Variants in MYORG observed in about 807,000 individuals in gnomAD.
MYORG encodes the protein alpha-galactosidase MYORG.
Under a neutral mutation model 49.8 loss-of-function variants are expected in MYORG, and 45 were observed. The observed-to-expected ratio is 0.90, with a 90% confidence interval of 0.71 to 1.16. The LOEUF (loss-of-function observed/expected upper bound fraction) is 1.16. Ranked by LOEUF, MYORG falls within the 50% of genes most tolerant of loss-of-function variation. The probability of loss-of-function intolerance (pLI) is 0.00; values close to 1 mark genes in which losing one functional copy is unlikely to be tolerated. For synonymous variants in MYORG, 552 were observed against 462.9 expected, an observed-to-expected ratio of 1.19 and a Z score of -2.47; for missense variants, 1,110 against 1,026.5, an observed-to-expected ratio of 1.08 and a Z score of -1.11.
At chr9:34,374,155 T>C (rs145299712) in intron 1 of MYORG, among the ~76,000 whole-genome samples, 8 of 152,306 alleles carry the variant, frequency 5.3e-5, no homozygotes, top group Non-Finnish European at 7.3e-5. Context: ...GTTTCTGTCA[T>C]AGTTTGGGCA....
rs1178877575 is a variant in MYORG at position 34,372,908 on chromosome 9, G to A, written c.36C>T (p.Tyr12=). ...AGCAGCCAGGCCGGCGGCGGCGGGG[G>A]TAGGCCTGGCTCTTCTCCTGAGGGT... is the stretch of plus-strand genomic sequence containing the variant. ...LQNPQEKSQA[Y]PRRRRPGCYA... The change falls in exon 2 of 2, where the codon TAC becomes TAT. Residue 12 remains tyrosine, a synonymous_variant. Coordinates refer to ENST00000297625, the MANE Select transcript of MYORG (RefSeq NM_020702.5). 2.5e-6 allele frequency: 4 copies of A among 1,613,900 alleles called. No individual in the cohort carries two copies. The highest frequency in any genetic ancestry group is 1.6e-4 in the Middle Eastern group (1 of 6,062).
Position 34,371,068 on chromosome 9 carries a change from C to T in MYORG, c.1876G>A (p.Val626Ile), listed in dbSNP as rs1563981213. The T allele has an allele frequency of 6.2e-7, 1 of 1,610,044 alleles. No individual in the cohort carries two copies. The highest frequency in any genetic ancestry group is 8.5e-7 in the Non-Finnish European group (1 of 1,178,368). Residue 626 changes from valine to isoleucine, a missense_variant, in exon 2 of 2, where the codon GTC becomes ATC. Transcript: ENST00000297625. ...ACGATAGGGTCACCCGTGTCGGTGA[C>T]CTCGCCCGCCAGCTCAAGCAACAGC... ...APLLLELAGEVTDTGDPIVRP... is the reference protein window; with the variant it reads ...APLLLELAGEITDTGDPIVRP...
At chr9:34,373,130 A>AGT (rs1488097625) in intron 1 of MYORG, 124 bp from the exon 2 acceptor site, 5 of 700,968 alleles carry the variant, frequency 7.1e-6, no homozygotes, top group Admixed American at 2.9e-5. Flanking sequence ...GGGCTTGAAG[A>AGT]GTGGCAAAGG....
intron 1 of MYORG, among the ~76,000 whole-genome samples, chr9:34,374,212 C>T (rs982439079): frequency 2.6e-5 from 4 of 152,230 alleles, no homozygotes; most frequent in African/African-American, 7.2e-5. Flanking sequence ...CAACAGGCCT[C>T]TCTGACTCTA....
Position 34,371,209 on chromosome 9 carries a change from C to G in MYORG, c.1735G>C (p.Glu579Gln). The G allele has an allele frequency of 6.2e-7, 1 of 1,610,356 alleles. No homozygotes were observed. Among genetic ancestry groups the G allele is most frequent in the East Asian group, 2.2e-5 (1 of 44,734 alleles). ...PERELYIRWL[E>Q]VAAFMPAMQF... ...ATGGCCGGCATAAAGGCGGCCACTT[C>G]CAGCCAGCGAATGTAGAGCTCGCGC... is the stretch of plus-strand genomic sequence containing the variant. The change falls in exon 2 of 2, where the codon GAA becomes CAA. Residue 579 changes from glutamate to glutamine, a missense_variant. Coordinates refer to ENST00000297625, the MANE Select transcript of MYORG (RefSeq NM_020702.5).
In MYORG at chr9:34,372,307, C is replaced by T. The variant is rs763270830; in HGVS notation, c.637G>A (p.Asp213Asn). ...QQEPQPFVTS[D>N]VYSSDAAFGG... The stretch of plus-strand genomic sequence containing the variant: ...AACGCGGCGTCGGAGGAGTAGACAT[C>T]GCTGGTGACGAACGGCTGGGGCTCC... Residue 213 changes from aspartate (D) to asparagine (N), a missense_variant, in exon 2 of 2, where the codon GAT (aspartate) becomes AAT (asparagine). Physicochemically the swap from Asp to Asn is conservative, Grantham distance 23. Coordinates refer to ENST00000297625, the MANE Select transcript of MYORG (RefSeq NM_020702.5). 60 of 1,609,882 alleles carry T rather than the reference C, an allele frequency of 3.7e-5. No individual in the cohort carries two copies. The highest frequency in any genetic ancestry group is 5.0e-5 in the Non-Finnish European group (59 of 1,178,546).
Position 34,371,945 on chromosome 9 carries a change from C to A in MYORG, c.999G>T (p.Val333=), listed in dbSNP as rs1489473799. ...LYGRAVDQDK[V]LRFAQQIRLH... ...GGCGGATCTGTTGGGCAAAACGCAG[C>A]ACCTTGTCCTGGTCCACGGCGCGCC... The change falls in exon 2 of 2, where the codon GTG becomes GTT. Residue 333 remains valine, a synonymous_variant. Transcript: ENST00000297625. 1 of 1,614,072 alleles carries A rather than the reference C, an allele frequency of 6.2e-7. No homozygotes were observed. The highest frequency in any genetic ancestry group is 1.3e-5 in the African/African-American group (1 of 75,076).
rs1486153087 is a variant in MYORG at position 34,367,473 on chromosome 9, CTAGT to C, written c.*3322_*3325del. ...ACCTATGAGCCTGTAAAATCAAAGG[CTAGT>C]TAGTTACTTCCTAGATACAACGGAG... On this transcript the variant is annotated 3_prime_UTR_variant, in exon 2 of 2. Coordinates refer to ENST00000297625, the MANE Select transcript of MYORG (RefSeq NM_020702.5). 6.6e-6 allele frequency: 1 copy of C among 152,212 alleles called. No homozygotes were observed. The highest frequency in any genetic ancestry group is 1.5e-5 in the Non-Finnish European group (1 of 68,044). The allele number at this position is 152,212 out of a possible 1,614,324, so 9.4% of individuals were successfully genotyped here.
rs750307451 is a variant in MYORG, at chr9:34,370,913, C to T, written c.2031G>A (p.Leu677=). ...EPGKQERDVY[L]PAGKWRSYKG... The stretch of plus-strand genomic sequence containing the variant: ...TGTAGCTGCGCCACTTGCCGGCGGG[C>T]AAATAGACGTCGCGCTCCTGCTTGC... Residue 677 remains leucine, a synonymous_variant, in exon 2 of 2, where the codon TTG becomes TTA. Coordinates refer to ENST00000297625, the MANE Select transcript of MYORG (RefSeq NM_020702.5). 31 of 1,613,300 alleles carry T rather than the reference C, an allele frequency of 1.9e-5. No individual in the cohort carries two copies. Among genetic ancestry groups the T allele is most frequent in the Admixed American group, 3.3e-5 (2 of 60,008 alleles).
In MYORG at chr9:34,372,302, G is replaced by A. The variant is rs41302057; in HGVS notation, c.642C>T (p.Val214=). 6 of 1,610,298 alleles carry A rather than the reference G, an allele frequency of 3.7e-6. No individual in the cohort carries two copies. The highest frequency in any genetic ancestry group is 5.1e-6 in the Non-Finnish European group (6 of 1,178,756). The change falls in exon 2 of 2, where the codon GTC becomes GTT. Residue 214 remains valine, a synonymous_variant. Coordinates refer to ENST00000297625, the MANE Select transcript of MYORG (RefSeq NM_020702.5). ...QEPQPFVTSD[V]YSSDAAFGGI... ...CCCCAAACGCGGCGTCGGAGGAGTA[G>A]ACATCGCTGGTGACGAACGGCTGGG... is the stretch of plus-strand genomic sequence containing the variant.
At position 34,372,604 on chromosome 9, in the gene MYORG, C is replaced by A; in HGVS notation, c.340G>T (p.Ala114Ser). ...NQKGEQVFRL[A>S]FRSGALDLDS... ...AGGTCCAGCGCGCCGGAGCGGAAGG[C>A]CAGGCGGAAGACCTGCTCTCCCTTC... Residue 114 changes from alanine (A) to serine (S), a missense_variant, in exon 2 of 2, where the codon GCC (alanine) becomes TCC (serine). Ala to Ser is a moderately conservative substitution (Grantham distance 99). Transcript: ENST00000297625. The A allele has an allele frequency of 6.2e-7, 1 of 1,604,298 alleles. No individual in the cohort carries two copies. Among genetic ancestry groups the A allele is most frequent in the Non-Finnish European group, 8.5e-7 (1 of 1,175,936 alleles).
chr9:34,367,937 C>T lies in MYORG; in HGVS notation c.*2862G>A, dbSNP rs1820525318. The T allele has an allele frequency of 6.6e-6, 1 of 152,252 alleles. No individual in the cohort carries two copies. Among genetic ancestry groups the T allele is most frequent in the Non-Finnish European group, 1.5e-5 (1 of 68,050 alleles). The allele number at this position is 152,252 out of a possible 1,614,324, so 9.4% of individuals were successfully genotyped here. A position where few individuals can be genotyped will look rare whatever the true frequency, so the allele number is the denominator to read the frequency against. On this transcript the variant is annotated 3_prime_UTR_variant, in exon 2 of 2. Transcript: ENST00000297625. ...AGAGGTTCTCCATGAGGGCCTCACT[C>T]CTGTAGCAAACTTCTGCCTGGACAT...
chr9:34,366,718 T>A lies in MYORG; in HGVS notation c.*4081A>T, dbSNP rs1820508321. 6.6e-6 allele frequency: 1 copy of A among 152,234 alleles called. No individual in the cohort carries two copies. Among genetic ancestry groups the A allele is most frequent in the Non-Finnish European group, 1.5e-5 (1 of 68,042 alleles). 9.4% of individuals were successfully genotyped at this position (152,234 alleles called of 1,614,324 possible). ...AGCACCTACTTTGTGCCAGGCACTT[T>A]ACATACATTTGTGCTTATAATTCTT... On this transcript the variant is annotated 3_prime_UTR_variant, in exon 2 of 2. Coordinates refer to ENST00000297625, the MANE Select transcript of MYORG (RefSeq NM_020702.5).
rs369042834 is a variant in MYORG at position 34,371,426 on chromosome 9, G to A, written c.1518C>T (p.Gly506=). The A allele has an allele frequency of 8.0e-5, 129 of 1,613,048 alleles. No homozygotes were observed. The highest frequency in any genetic ancestry group is 3.6e-4 in the South Asian group (33 of 91,080). Residue 506 remains glycine, a synonymous_variant, in exon 2 of 2, where the codon GGC becomes GGT. Coordinates refer to ENST00000297625, the MANE Select transcript of MYORG (RefSeq NM_020702.5). ...PFFSLAEVRV[G]YQSQNISCFF... Reference sequence around the variant, plus strand: ...AGCAGGAGATGTTCTGTGACTGGTAGCCTACGCGCACCTCCGCCAGCGAGA... The same window carrying A: ...AGCAGGAGATGTTCTGTGACTGGTAACCTACGCGCACCTCCGCCAGCGAGA...
At chr9:34,374,219 TCTAA>T (rs1820685355) in intron 1 of MYORG, among the ~76,000 whole-genome samples, 1 of 152,174 alleles carries the variant, frequency 6.6e-6, no homozygotes. Context: ...CCTCTCTGAC[TCTAA>T]CTTCTTTCTC....
chr9:34,370,340 A>C lies in MYORG; in HGVS notation c.*459T>G, dbSNP rs980553407. ...GGGCCTGGCTTCTAACACTAAGAAA[A>C]CACACGTTCTAAGTGTGGTGGGGGC... On this transcript the variant is annotated 3_prime_UTR_variant, in exon 2 of 2. Coordinates refer to ENST00000297625, the MANE Select transcript of MYORG (RefSeq NM_020702.5). 1 of 155,652 alleles carries C rather than the reference A, an allele frequency of 6.4e-6. No individual in the cohort carries two copies. The highest frequency in any genetic ancestry group is 6.3e-5 in the Admixed American group (1 of 15,936). The allele number at this position is 155,652 out of a possible 1,614,324, so 9.6% of individuals were successfully genotyped here. A position where few individuals can be genotyped will look rare whatever the true frequency, so the allele number is the denominator to read the frequency against.
chr9:34,372,657 T>G lies in MYORG; in HGVS notation c.287A>C (p.Lys96Thr). 2 of 1,608,402 alleles carry G rather than the reference T, an allele frequency of 1.2e-6. No homozygotes were observed. Among genetic ancestry groups the G allele is most frequent in the Non-Finnish European group, 1.7e-6 (2 of 1,177,534 alleles). ...ERLRAELLDL[K>T]AGGFSIRNQK... The stretch of plus-strand genomic sequence containing the variant: ...ATTGCGGATGGAGAAGCCGCCAGCT[T>G]TCAGGTCCAGCAGCTCCGCGCGAAG... The change falls in exon 2 of 2, where the codon AAA becomes ACA. Residue 96 changes from lysine to threonine, a missense_variant. Physicochemically the swap from Lys to Thr is moderately conservative, Grantham distance 78. Coordinates refer to ENST00000297625, the MANE Select transcript of MYORG (RefSeq NM_020702.5).
chr9:34,369,301 T>G lies in MYORG; in HGVS notation c.*1498A>C, dbSNP rs1434192397. On this transcript the variant is annotated 3_prime_UTR_variant, in exon 2 of 2. Transcript: ENST00000297625. ...GATGGAAGCTAAAGTTCACCCTGTT[T>G]CCCACCGACCCGCTCTGGCATGCCA... is the stretch of plus-strand genomic sequence containing the variant. 1 of 152,146 alleles carries G rather than the reference T, an allele frequency of 6.6e-6. No individual in the cohort carries two copies. The highest frequency in any genetic ancestry group is 1.9e-4 in the East Asian group (1 of 5,196). 9.4% of individuals were successfully genotyped at this position (152,146 alleles called of 1,614,324 possible).
rs998032338 is a variant in MYORG, at chr9:34,376,542, C to A, written c.-64+251G>T. On this transcript the variant is annotated intron_variant, in intron 1 of 1. Coordinates refer to ENST00000297625, the MANE Select transcript of MYORG (RefSeq NM_020702.5). The surrounding 1 kb of genome is among the most constrained non-coding windows in gnomAD (Gnocchi z 4.4). ...TCCCTCTCCTGCCAGGCGACGGTAT[C>A]CGCGGGGATCGAGTGACTGCCTACA... is the stretch of plus-strand genomic sequence containing the variant. 3.1e-4 allele frequency among the ~76,000 whole-genome samples: 47 copies of A among 152,218 alleles called. 2 individuals carry two copies. The highest frequency in any genetic ancestry group is 3.1e-3 in the Admixed American group (47 of 15,290).
Sources: gnomAD v4.1 joint callset for allele counts (sites outside exome capture counted in the v4.1 genomes callset) on GRCh38, gnomAD v4.1.1 for gene constraint, Gnocchi (gnomAD v3.1) non-coding constraint, MANE v1.5 for transcripts, NCBI Gene and HGNC (gene_info 2026-07-23, HGNC 2026-07-21) for gene names.